The following EEF1AKMT1 variants were observed in gnomAD, a reference collection of about 807,000 sequenced individuals.
EEF1AKMT1 encodes EEF1A lysine methyltransferase 1.
EEF1AKMT1 carries 18 observed loss-of-function variants against 21.0 expected under a neutral mutation model. The observed-to-expected ratio is 0.86, with a 90% CI of 0.59 to 1.27. The LOEUF is 1.27. Among genes scored for constraint, EEF1AKMT1 ranks in the 50% most tolerant of loss-of-function variants. EEF1AKMT1 has a pLI of 0.00. For synonymous variants in EEF1AKMT1, 109 were observed against 94.8 expected (o/e 1.15, Z -0.87); for missense variants, 246 against 258.6 (o/e 0.95, Z 0.33).
In EEF1AKMT1 at chr13:20,728,757, C is replaced by T. The variant is rs182051094; in HGVS notation, c.*323G>A. 1,460 of 344,838 alleles carry T rather than the reference C, an allele frequency of 4.2e-3. 10 individuals carry two copies. Among genetic ancestry groups the T allele is most frequent in the Middle Eastern group, 0.035 (36 of 1,016 alleles). The allele number at this position is 344,838 out of a possible 1,614,324, so 21.4% of individuals were successfully genotyped here. Reference sequence around the variant, plus strand: ...TCTGGCCCGAGGCAGAGGCCAAGGTCCTGTCTCATTCAGGAGCCCTTGGGC... The same window carrying T: ...TCTGGCCCGAGGCAGAGGCCAAGGTTCTGTCTCATTCAGGAGCCCTTGGGC... On this transcript the variant is annotated 3_prime_UTR_variant, in exon 5 of 5. Transcript: ENST00000382758.
chr13:20,735,019 G>A (rs893164419), intron 3 of EEF1AKMT1, among the ~76,000 whole-genome samples: 1 of 152,082 alleles, frequency 6.6e-6, no homozygotes, highest in Non-Finnish European at 1.5e-5. Flanking sequence ...TCTTATTTAG[G>A]AATACAAGAG....
chr13:20,745,777 G>A (rs897322348), intron 2 of EEF1AKMT1, among the ~76,000 whole-genome samples: 4 of 152,136 alleles, frequency 2.6e-5, no homozygotes, highest in African/African-American at 9.7e-5. Context: ...GAACCTGGGA[G>A]GCAGAGGTTG....
chr13:20,753,765 AAT>A (rs761016963), intron 2 of EEF1AKMT1, among the ~76,000 whole-genome samples: 1 of 151,996 alleles, frequency 6.6e-6, no homozygotes, highest in Non-Finnish European at 1.5e-5. Context: ...TTGTGCATGG[AAT>A]ATCTTTTTTT....
intron 1 of EEF1AKMT1, among the ~76,000 whole-genome samples, chr13:20,771,367 A>G (rs553152287): frequency 6.6e-6 from 1 of 152,222 alleles, no homozygotes; most frequent in African/African-American, 2.4e-5. Context: ...AAAGGCAATT[A>G]AATTCCAATC....
At chr13:20,756,575 C>T (rs1173804277) in intron 2 of EEF1AKMT1, among the ~76,000 whole-genome samples, 12 of 152,268 alleles carry the variant, frequency 7.9e-5, no homozygotes, top group Admixed American at 5.2e-4. Context: ...GATGTAATAA[C>T]GTATTATTGA....
At chr13:20,762,205 C>G (rs921022609) in intron 1 of EEF1AKMT1, among the ~76,000 whole-genome samples, 141 of 138,250 alleles carry the variant, frequency 1.0e-3, no homozygotes, top group African/African-American at 3.4e-3. Context: ...TAATTTGAGG[C>G]AGAGTCTTGC....
chr13:20,748,833 G>T lies in EEF1AKMT1; in HGVS notation c.144+8622C>A, dbSNP rs1278506729. Among the ~76,000 whole-genome samples the T allele has an allele frequency of 2.2e-5, 3 of 137,404 alleles. No homozygotes were observed. The Admixed American group carries it at 2.4e-4, about 11-fold the overall frequency. The allele number at this position is 137,404 out of a possible 152,430, so 90.1% of individuals were successfully genotyped here. ...CAACCTCTGCCTCCCAGGCTCAAAT[G>T]ATCCTCCCACCTCAGGCTCCCAAGT... On this transcript the variant is annotated intron_variant, in intron 2 of 4. Transcript: ENST00000382758.
At chr13:20,734,151 C>T (rs973107569) in intron 3 of EEF1AKMT1, among the ~76,000 whole-genome samples, 2 of 152,164 alleles carry the variant, frequency 1.3e-5, no homozygotes, top group Non-Finnish European at 2.9e-5. Flanking sequence ...TATATGCACA[C>T]TATGAAAACA....
chr13:20,745,041 T>A lies in EEF1AKMT1; in HGVS notation c.145-7236A>T, dbSNP rs552218194. On this transcript the variant is annotated intron_variant, in intron 2 of 4. Coordinates refer to ENST00000382758, the MANE Select transcript of EEF1AKMT1 (RefSeq NM_001318939.2). ...AGATCTCTGTTCTGTTCCATTGGTC[T>A]ATATATCTGTTTTGGCAACAGTGCC... Among the ~76,000 whole-genome samples the A allele has an allele frequency of 2.0e-5, 3 of 152,358 alleles. No homozygotes were observed. The South Asian group carries it at 6.2e-4, about 32-fold the overall frequency.
At chr13:20,746,677 C>T (rs879278458) in intron 2 of EEF1AKMT1, among the ~76,000 whole-genome samples, 23 of 150,192 alleles carry the variant, frequency 1.5e-4, no homozygotes, top group Non-Finnish European at 3.1e-4. Context: ...CATCAGGGCA[C>T]AATGATAGAT....
rs74570153 is a variant in EEF1AKMT1, at chr13:20,755,516, C to T, written c.144+1939G>A. Among the ~76,000 whole-genome samples the T allele has an allele frequency of 2.5e-3, 381 of 152,342 alleles. 3 individuals carry two copies. The highest frequency in any genetic ancestry group is 8.9e-3 in the African/African-American group (368 of 41,580). ...GCTAGAAGTCACTCACTTAGCCTTT[C>T]CCCACAATGGGGAGCCTCTCCAGGA... On this transcript the variant is annotated intron_variant, in intron 2 of 4. Transcript: ENST00000382758.
chr13:20,753,138 T>C (rs2058952082), intron 2 of EEF1AKMT1, among the ~76,000 whole-genome samples: 2 of 152,186 alleles, frequency 1.3e-5, no homozygotes, highest in South Asian at 4.1e-4. Flanking sequence ...ATGTTGTGTT[T>C]TGATTTTCCA....
intron 1 of EEF1AKMT1, among the ~76,000 whole-genome samples, chr13:20,771,870 G>A (rs554277499): frequency 4.6e-5 from 7 of 152,200 alleles, no homozygotes; most frequent in African/African-American, 1.4e-4. Flanking sequence ...AATTACCCAG[G>A]TGTGGTGGCA....
At chr13:20,755,660 A>G (rs2058967983) in intron 2 of EEF1AKMT1, among the ~76,000 whole-genome samples, 1 of 152,186 alleles carries the variant, frequency 6.6e-6, no homozygotes, top group Non-Finnish European at 1.5e-5. Flanking sequence ...ATTTGAAGTG[A>G]GATTATTGGC....
At chr13:20,736,482 G>C (rs2058826988) in intron 3 of EEF1AKMT1, among the ~76,000 whole-genome samples, 1 of 152,080 alleles carries the variant, frequency 6.6e-6, no homozygotes, top group African/African-American at 2.4e-5. Flanking sequence ...AGGAAATAGG[G>C]AATCTAGAAC....
intron 2 of EEF1AKMT1, chr13:20,748,072 C>G (rs1653294448): frequency 5.7e-6 from 1 of 176,336 alleles, no homozygotes; most frequent in South Asian, 1.5e-4. Flanking sequence ...ATGTTCCTTC[C>G]AGAATCGTCT....
intron 1 of EEF1AKMT1, among the ~76,000 whole-genome samples, chr13:20,767,580 T>C (rs182312269): frequency 7.2e-5 from 11 of 152,210 alleles, no homozygotes; most frequent in African/African-American, 2.6e-4. Flanking sequence ...CATGTCTTTC[T>C]TTTCTAATGG....
intron 2 of EEF1AKMT1, among the ~76,000 whole-genome samples, chr13:20,752,089 T>C (rs1470201913): frequency 6.6e-6 from 1 of 152,124 alleles, no homozygotes; most frequent in African/African-American, 2.4e-5. Context: ...ATGTCATCTA[T>C]AAAGAGGGAC....
intron 1 of EEF1AKMT1, among the ~76,000 whole-genome samples, chr13:20,773,040 A>G (rs189183099): frequency 1.6e-4 from 25 of 152,206 alleles, no homozygotes; most frequent in African/African-American, 5.5e-4. Context: ...TTGCTGGATG[A>G]TTCTCCCCTT....
Sources: allele counts gnomAD v4.1 joint callset (sites outside exome capture counted in the v4.1 genomes callset), GRCh38; gene constraint gnomAD v4.1.1; transcripts MANE v1.5; gene names NCBI Gene and HGNC (gene_info 2026-07-23, HGNC 2026-07-21).